CDC42: variants seen among roughly 807,000 people sequenced by gnomAD.
CDC42 encodes cell division cycle 42.
Under a neutral mutation model 20.8 loss-of-function variants are expected in CDC42, and 1 was observed. The observed-to-expected ratio is 0.05, with a 90% CI of 0.02 to 0.23. The LOEUF (loss-of-function observed/expected upper bound fraction) is 0.23, where lower values mean the gene tolerates loss of function less well. Among genes scored for constraint, CDC42 ranks in the 10% least tolerant of loss-of-function variants. CDC42 has a pLI of 1.00. For missense variants in CDC42, 49 were observed against 227.9 expected, an observed-to-expected ratio of 0.21 and a Z score of 5.05; for synonymous variants, 72 against 84.8, an observed-to-expected ratio of 0.85 and a Z score of 0.83.
rs191396718 is a variant in CDC42, at chr1:22,091,408, T to G, written c.487-20T>G. ...TACTGAAAATCAGACCGCCCATTTT[T>G]TCTTTCTACCCCTTTTCAGAAAGGC... On this transcript the variant is annotated intron_variant, in intron 5 of 5. Transcript: ENST00000656825. 1 of 1,545,938 alleles carries G rather than the reference T, an allele frequency of 6.5e-7. No individual in the cohort carries two copies. The highest frequency in any genetic ancestry group is 2.2e-5 in the East Asian group (1 of 44,480).
At position 22,099,133 on chromosome 1, in the gene CDC42, C is replaced by A. The variant is rs954858856; in HGVS notation, c.*7616C>A. On this transcript the variant is annotated 3_prime_UTR_variant, in exon 6 of 6. Coordinates refer to ENST00000656825, the MANE Select transcript of CDC42 (RefSeq NM_001791.4). Reference sequence around the variant, plus strand: ...TGCAGAGTGGCTGGGGGCCCTGCTTCACCACGGCATAGGGACGGGTGCAGT... The same window carrying A: ...TGCAGAGTGGCTGGGGGCCCTGCTTAACCACGGCATAGGGACGGGTGCAGT... Among the ~76,000 whole-genome samples the A allele has an allele frequency of 6.6e-6, 1 of 152,216 alleles. No homozygotes were observed. The highest frequency in any genetic ancestry group is 1.5e-5 in the Non-Finnish European group (1 of 68,044).
chr1:22,071,041 T>TC (rs1444359317), intron 1 of CDC42, among the ~76,000 whole-genome samples: 11 of 56,528 alleles, frequency 1.9e-4, no homozygotes, highest in Non-Finnish European at 2.5e-4. Flanking sequence ...TCTTTTTTTT[T>TC]CTTTCTTTTT....
chr1:22,082,793 A>G (rs1223481217), intron 3 of CDC42, among the ~76,000 whole-genome samples: 2 of 152,172 alleles, frequency 1.3e-5, no homozygotes, highest in East Asian at 1.9e-4. Flanking sequence ...AATTTGGAAT[A>G]TAGAGAAAAC....
At chr1:22,055,485 T>C (rs1645294678) in intron 1 of CDC42, among the ~76,000 whole-genome samples, 1 of 147,238 alleles carries the variant, frequency 6.8e-6, no homozygotes, top group Non-Finnish European at 1.5e-5. Context: ...AAAAAAAAAT[T>C]GGTGATTTTT....
Position 22,096,301 on chromosome 1 carries a change from G to T in CDC42, c.*4784G>T, listed in dbSNP as rs1192604245. On this transcript the variant is annotated 3_prime_UTR_variant, in exon 6 of 6. Transcript: ENST00000656825. ...AGTGAATTAGTAAATTCAACAAATA[G>T]GTTTTTTTAAAGCAATTAAGGCACT... is the stretch of plus-strand genomic sequence containing the variant. 5.5e-5 allele frequency among the ~76,000 whole-genome samples: 1 copy of T among 18,160 alleles called. No homozygotes were observed. The highest frequency in any genetic ancestry group is 9.2e-4 in the African/African-American group (1 of 1,092). 11.9% of individuals were successfully genotyped at this position (18,160 alleles called of 152,430 possible).
intron 2 of CDC42, among the ~76,000 whole-genome samples, chr1:22,080,838 T>A (rs1645599439): frequency 6.6e-6 from 1 of 152,226 alleles, no homozygotes; most frequent in Non-Finnish European, 1.5e-5. Flanking sequence ...ATGTCTTAGA[T>A]CATGCAGTTT....
chr1:22,082,874 A>AT (rs1465794787), intron 3 of CDC42, among the ~76,000 whole-genome samples: 11 of 57,868 alleles, frequency 1.9e-4, no homozygotes, highest in East Asian at 1.9e-3. Context: ...GCACAGAGAA[A>AT]ATTTTTATTT....
chr1:22,082,329 G>A (rs528955709), intron 3 of CDC42, among the ~76,000 whole-genome samples: 11 of 152,166 alleles, frequency 7.2e-5, no homozygotes, highest in Non-Finnish European at 1.2e-4. Flanking sequence ...TCTTACGATA[G>A]ATAGCTTATT....
intron 1 of CDC42, among the ~76,000 whole-genome samples, chr1:22,070,813 T>A (rs975646453): frequency 1.3e-5 from 2 of 151,682 alleles, no homozygotes; most frequent in African/African-American, 4.8e-5. Context: ...TCAGGACAAA[T>A]ACAAAACGTG....
chr1:22,079,562 T>C (rs1372650036), intron 2 of CDC42, among the ~76,000 whole-genome samples: 1 of 152,144 alleles, frequency 6.6e-6, no homozygotes, highest in African/African-American at 2.4e-5. Context: ...AGTGAGACCC[T>C]GTCTCAAAAA....
Position 22,073,909 on chromosome 1 carries a change from C to A in CDC42, c.-50-4520C>A, listed in dbSNP as rs185576432. On this transcript the variant is annotated intron_variant, in intron 1 of 5. Transcript: ENST00000656825. ...CAAGCAATCTCCCCACCTTGTCCCC[C>A]CAAAGTGCTGGGATTACAGGTGTGA... Among the ~76,000 whole-genome samples the A allele has an allele frequency of 3.3e-5, 5 of 152,090 alleles. 1 individual carries two copies. Among genetic ancestry groups the A allele is most frequent in the South Asian group, 4.1e-4 (2 of 4,826 alleles).
At position 22,079,126 on chromosome 1, in the gene CDC42, C is replaced by A. The variant is rs1035630196; in HGVS notation, c.105+543C>A. ...TTTGGGGGTCACTCCCACAACTGTTCTTTTCTTTTTTTCTTTTTTTTTTTT... is the reference window on the plus strand; with the variant it reads ...TTTGGGGGTCACTCCCACAACTGTTATTTTCTTTTTTTCTTTTTTTTTTTT... On this transcript the variant is annotated intron_variant, in intron 2 of 5. Coordinates refer to ENST00000656825, the MANE Select transcript of CDC42 (RefSeq NM_001791.4). Among the ~76,000 whole-genome samples, 29 of 128,754 alleles carry A rather than the reference C, an allele frequency of 2.3e-4. No individual in the cohort carries two copies. In the Admixed American group the frequency reaches 2.4e-3, roughly 11 times the overall value. 84.5% of individuals were successfully genotyped at this position (128,754 alleles called of 152,430 possible). A position where few individuals can be genotyped will look rare whatever the true frequency, so the allele number is the denominator to read the frequency against.
At chr1:22,076,432 TAC>T (rs369972777) in intron 1 of CDC42, among the ~76,000 whole-genome samples, 1,704 of 149,036 alleles carry the variant, frequency 0.011, 30 homozygotes, top group African/African-American at 0.039. Context: ...CACTGACACA[TAC>T]ACACACACAC....
intron 5 of CDC42, chr1:22,090,646 A>G (rs1645706674): frequency 1.0e-6 from 1 of 985,276 alleles, no homozygotes; most frequent in African/African-American, 1.7e-5. Flanking sequence ...ATTATCTTTT[A>G]AGAATAACAT....
At chr1:22,082,514 C>A (rs996020447) in intron 3 of CDC42, among the ~76,000 whole-genome samples, 12 of 152,144 alleles carry the variant, frequency 7.9e-5, no homozygotes, top group African/African-American at 2.9e-4. Context: ...TGACTTTTCT[C>A]TATGTGCCGT....
chr1:22,069,852 G>A (rs1358624690), intron 1 of CDC42, among the ~76,000 whole-genome samples: 1 of 152,016 alleles, frequency 6.6e-6, no homozygotes, highest in African/African-American at 2.4e-5. Context: ...GGAGTGCAGT[G>A]GCATAATCTT....
At chr1:22,068,387 C>T (rs1436277187) in intron 1 of CDC42, 2 of 153,402 alleles carry the variant, frequency 1.3e-5, no homozygotes, top group Non-Finnish European at 2.9e-5. Flanking sequence ...AGTTGTAGGT[C>T]TCCATTTTCA....
At chr1:22,069,229 G>A (rs181530330) in intron 1 of CDC42, among the ~76,000 whole-genome samples, 233 of 136,476 alleles carry the variant, frequency 1.7e-3, no homozygotes, top group African/African-American at 5.3e-3. Flanking sequence ...AGGCTGGAGT[G>A]CAGTGGCACA....
intron 1 of CDC42, among the ~76,000 whole-genome samples, chr1:22,069,881 G>A (rs529293885): frequency 1.6e-4 from 24 of 151,988 alleles, no homozygotes; most frequent in African/African-American, 5.3e-4. Context: ...TGCAACCTCC[G>A]TCTCCTGGGC....
Sources: gnomAD v4.1 joint callset for allele counts (sites outside exome capture counted in the v4.1 genomes callset) on GRCh38, gnomAD v4.1.1 for gene constraint, MANE v1.5 for transcripts, NCBI Gene and HGNC (gene_info 2026-07-23, HGNC 2026-07-21) for gene names.